Variants in SMPDL3B observed in about 807,000 individuals in gnomAD.
SMPDL3B encodes acid sphingomyelinase-like phosphodiesterase 3b.
In SMPDL3B, 31 loss-of-function variants were observed where a neutral mutation model predicts 37.9. That is an observed-to-expected ratio of 0.82 (90% confidence interval 0.61 to 1.10). The LOEUF (loss-of-function observed/expected upper bound fraction) is 1.10, where lower values mean the gene tolerates loss of function less well. Among genes scored for constraint, SMPDL3B ranks in the 50% least tolerant of loss-of-function variants. SMPDL3B has a pLI of 0.00. For synonymous variants in SMPDL3B, 235 were observed against 242.6 expected (o/e 0.97, Z 0.29); for missense variants, 525 against 597.8 (o/e 0.88, Z 1.27).
chr1:27,944,236 A>C (rs1378272291), intron 1 of SMPDL3B, among the ~76,000 whole-genome samples: 1 of 152,116 alleles, frequency 6.6e-6, no homozygotes, highest in Non-Finnish European at 1.5e-5. Flanking sequence ...TTGGATCCAG[A>C]ATCACCAGCA....
At chr1:27,954,852 T>G (rs948671279) in intron 5 of SMPDL3B, among the ~76,000 whole-genome samples, 1 of 152,212 alleles carries the variant, frequency 6.6e-6, no homozygotes, top group South Asian at 2.1e-4. Context: ...CAGCCAGTAC[T>G]GTGTGCCAGA....
At chr1:27,943,004 G>T (rs1178813104) in intron 1 of SMPDL3B, among the ~76,000 whole-genome samples, 1 of 152,164 alleles carries the variant, frequency 6.6e-6, no homozygotes, top group Non-Finnish European at 1.5e-5. Context: ...GTGTGGAAAG[G>T]TTAAATTTTC....
chr1:27,945,302 G>T lies in SMPDL3B; in HGVS notation c.132G>T (p.Val44=), dbSNP rs1001798862. The T allele has an allele frequency of 6.2e-7, 1 of 1,614,172 alleles. No homozygotes were observed. The highest frequency in any genetic ancestry group is 8.5e-7 in the Non-Finnish European group (1 of 1,180,034). Residue 44 remains valine, a synonymous_variant, in exon 2 of 8, where the codon GTG becomes GTT. Transcript: ENST00000373894. This position sits in a 1 kb window ranked among gnomAD's most constrained non-coding sequence, Gnocchi z 4.0. Reference sequence around the variant, plus strand: ...AGGTATCCAAAGACCCCTTCCAGGTGTGCCCATCAGCTGGATCCCAGCCAG... The same window carrying T: ...AGGTATCCAAAGACCCCTTCCAGGTTTGCCCATCAGCTGGATCCCAGCCAG... ...DYKVSKDPFQ[V]CPSAGSQPVP...
chr1:27,954,249 G>C, intron 4 of SMPDL3B, 105 bp from the exon 5 acceptor site: 1 of 1,080,018 alleles, frequency 9.3e-7, no homozygotes, highest in Non-Finnish European at 1.3e-6. Context: ...AAGATGGGAG[G>C]GGAAGATGCA....
chr1:27,950,879 C>T (rs567620338), intron 3 of SMPDL3B, among the ~76,000 whole-genome samples: 3 of 152,358 alleles, frequency 2.0e-5, no homozygotes, highest in African/African-American at 7.2e-5. Context: ...ATCCGCACGC[C>T]TTGGCCTCCC....
chr1:27,957,729 C>G (rs1171013760), intron 7 of SMPDL3B, among the ~76,000 whole-genome samples: 1 of 152,142 alleles, frequency 6.6e-6, no homozygotes, highest in African/African-American at 2.4e-5. Flanking sequence ...CACCATCACC[C>G]CCTAACAGGC....
At chr1:27,938,732 C>G (rs1450995037) in intron 1 of SMPDL3B, 1 of 152,206 alleles carries the variant, frequency 6.6e-6, no homozygotes, top group East Asian at 1.9e-4. Flanking sequence ...GTTTCACTTT[C>G]AATTCAGTAT....
intron 7 of SMPDL3B, among the ~76,000 whole-genome samples, chr1:27,956,777 G>A (rs910611601): frequency 6.6e-6 from 1 of 152,200 alleles, no homozygotes; most frequent in Non-Finnish European, 1.5e-5. Flanking sequence ...TTATAGTACT[G>A]AGAGAAGGGC....
chr1:27,947,799 T>C (rs1176413923), intron 2 of SMPDL3B, among the ~76,000 whole-genome samples: 1 of 151,594 alleles, frequency 6.6e-6, no homozygotes, highest in Non-Finnish European at 1.5e-5. Flanking sequence ...GCCTGGCTGG[T>C]CTCGAACTCC....
At chr1:27,942,286 G>C in intron 1 of SMPDL3B, 1 of 467,386 alleles carries the variant, frequency 2.1e-6, no homozygotes, top group South Asian at 1.6e-5. Context: ...GGAAGCGCAA[G>C]GACCATGTGC....
chr1:27,940,968 C>G (rs1383891561), intron 1 of SMPDL3B, among the ~76,000 whole-genome samples: 1 of 152,118 alleles, frequency 6.6e-6, no homozygotes, highest in Non-Finnish European at 1.5e-5. Context: ...ATTTGATGCT[C>G]ACTGAGAGGC....
At chr1:27,950,629 A>T (rs923430574) in intron 3 of SMPDL3B, among the ~76,000 whole-genome samples, 3 of 151,794 alleles carry the variant, frequency 2.0e-5, no homozygotes, top group Non-Finnish European at 4.4e-5. Flanking sequence ...AATTATTTTT[A>T]TTATTTTTTT....
At chr1:27,955,513 C>T (rs535973713) in intron 5 of SMPDL3B, among the ~76,000 whole-genome samples, 171 bp from the exon 6 acceptor site, 2 of 152,260 alleles carry the variant, frequency 1.3e-5, no homozygotes, top group South Asian at 4.1e-4. Context: ...GTGGTGCATT[C>T]ATTGCAGGGC....
chr1:27,951,348 T>G (rs2090454073), intron 3 of SMPDL3B, among the ~76,000 whole-genome samples: 1 of 152,152 alleles, frequency 6.6e-6, no homozygotes, highest in Non-Finnish European at 1.5e-5. Context: ...CACTCCCATC[T>G]TATAGATAAC....
intron 4 of SMPDL3B, among the ~76,000 whole-genome samples, chr1:27,953,760 GCAAA>G (rs2090474898): frequency 6.6e-6 from 1 of 152,192 alleles, no homozygotes; most frequent in Admixed American, 6.5e-5. Flanking sequence ...GCAGAATGTT[GCAAA>G]CACTCACTAG....
At chr1:27,951,198 C>A (rs1480681776) in intron 3 of SMPDL3B, among the ~76,000 whole-genome samples, 1 of 152,144 alleles carries the variant, frequency 6.6e-6, no homozygotes, top group Non-Finnish European at 1.5e-5. Context: ...TAAGAAAAAA[C>A]AGCTACCAAT....
intron 7 of SMPDL3B, among the ~76,000 whole-genome samples, chr1:27,957,093 G>A (rs537447307): frequency 1.3e-5 from 2 of 152,270 alleles, no homozygotes; most frequent in African/African-American, 4.8e-5. Context: ...TCTGGATTTG[G>A]AGGGTTTTGC....
intron 2 of SMPDL3B, among the ~76,000 whole-genome samples, chr1:27,946,618 G>A (rs1171143707): frequency 6.6e-6 from 1 of 152,180 alleles, no homozygotes; most frequent in Non-Finnish European, 1.5e-5. Flanking sequence ...CCATCTGGCA[G>A]GATTAGGGGA....
intron 1 of SMPDL3B, among the ~76,000 whole-genome samples, chr1:27,943,939 A>T (rs2090381813): frequency 6.7e-6 from 1 of 149,446 alleles, no homozygotes. Context: ...ACTTGAACCC[A>T]GGAGGCAGAG....
Sources: gnomAD v4.1 joint callset for allele counts (sites outside exome capture counted in the v4.1 genomes callset) on GRCh38, gnomAD v4.1.1 for gene constraint, Gnocchi (gnomAD v3.1) non-coding constraint, MANE v1.5 for transcripts, NCBI Gene and HGNC (gene_info 2026-07-23, HGNC 2026-07-21) for gene names.